Variants in IGSF5 observed in about 807,000 individuals in gnomAD.
IGSF5 encodes the protein immunoglobulin superfamily 5 like.
Under a neutral mutation model 39.4 loss-of-function variants are expected in IGSF5, and 41 were observed. The observed-to-expected ratio is 1.04, with a 90% confidence interval of 0.81 to 1.35. The LOEUF (loss-of-function observed/expected upper bound fraction) is 1.35. IGSF5 is among the 40% of genes most tolerant of loss of function. The pLI is 0.00. For synonymous variants in IGSF5, 183 were observed against 175.3 expected (o/e 1.04, Z -0.34); for missense variants, 487 against 494.6 (o/e 0.98, Z 0.15).
At chr21:39,744,914 A>C (rs1041473509), upstream of IGSF5, among the ~76,000 whole-genome samples, 6 of 152,234 alleles carry the variant, frequency 3.9e-5, no homozygotes, top group Non-Finnish European at 7.3e-5. Context: ...ATGGGTTGTC[A>C]GTGGCCTCAG....
chr21:39,779,400 A>G (rs199796533), intron 5 of IGSF5, 95 bp downstream of exon 5: 260 of 1,416,488 alleles, frequency 1.8e-4, no homozygotes, highest in Non-Finnish European at 2.3e-4. Flanking sequence ...CAAAAGATAG[A>G]TTAACTACAA....
At chr21:39,800,696 G>C (rs2087023809) in intron 8 of IGSF5, among the ~76,000 whole-genome samples, 1 of 152,218 alleles carries the variant, frequency 6.6e-6, no homozygotes, top group Admixed American at 6.5e-5. Context: ...TCTCAGGACT[G>C]GCAGGAAAAA....
the IGSF5 span, among the ~76,000 whole-genome samples, chr21:39,735,884 C>G: frequency 6.6e-6 from 1 of 152,212 alleles, no homozygotes; most frequent in South Asian, 2.1e-4. Context: ...CCCTTAAGAG[C>G]AGCTCAGGCC....
intron 2 of IGSF5, among the ~76,000 whole-genome samples, chr21:39,749,683 T>C (rs1735150): frequency 0.9 from 137,740 of 152,228 alleles, 62,364 homozygotes; most frequent in East Asian, 0.96. Context: ...TACATTGGTT[T>C]GGTCTGGAAA....
At position 39,801,594 on chromosome 21, in the gene IGSF5, CTAAG is replaced by C. The variant is rs1192209248; in HGVS notation, c.*241_*244del. On this transcript the variant is annotated 3_prime_UTR_variant, in exon 9 of 9. Coordinates refer to ENST00000380588, the MANE Select transcript of IGSF5 (RefSeq NM_001080444.2). Reference sequence around the variant, plus strand: ...GGTTTTTGTGAATTCCATGAAGTTACTAAGTAAAAGCTGCAAATTCATCATAATT... The same window carrying C: ...GGTTTTTGTGAATTCCATGAAGTTACTAAAAGCTGCAAATTCATCATAATT... 1 of 382,662 alleles carries C rather than the reference CTAAG, an allele frequency of 2.6e-6. No individual in the cohort carries two copies. The highest frequency in any genetic ancestry group is 2.0e-5 in the African/African-American group (1 of 49,568). The allele number at this position is 382,662 out of a possible 1,614,324, so 23.7% of individuals were successfully genotyped here. A position where few individuals can be genotyped will look rare whatever the true frequency, so the allele number is the denominator to read the frequency against.
the IGSF5 span, among the ~76,000 whole-genome samples, chr21:39,731,860 G>T: frequency 6.6e-6 from 1 of 152,216 alleles, no homozygotes; most frequent in East Asian, 1.9e-4. Flanking sequence ...TAGTTTTAAG[G>T]CATGAAATTT....
At chr21:39,723,171 G>T in the IGSF5 span, among the ~76,000 whole-genome samples, 1 of 152,214 alleles carries the variant, frequency 6.6e-6, no homozygotes, top group African/African-American at 2.4e-5. Flanking sequence ...GTGAGGGCTA[G>T]GGCCTCATCT....
chr21:39,749,375 G>A (rs1283994282), intron 2 of IGSF5, among the ~76,000 whole-genome samples: 3 of 152,154 alleles, frequency 2.0e-5, no homozygotes, highest in Non-Finnish European at 1.5e-5. Context: ...ACCACGCCCG[G>A]CTAATTATTG....
the IGSF5 span, among the ~76,000 whole-genome samples, chr21:39,728,454 C>T: frequency 6.6e-6 from 1 of 152,160 alleles, no homozygotes; most frequent in African/African-American, 2.4e-5. Flanking sequence ...AGGATTCCCT[C>T]CTACATTTTT....
intron 8 of IGSF5, among the ~76,000 whole-genome samples, chr21:39,799,454 C>A (rs1260553874): frequency 6.6e-6 from 1 of 152,066 alleles, no homozygotes; most frequent in Non-Finnish European, 1.5e-5. Context: ...GGAGATAGGG[C>A]CAAAGAATCA....
At chr21:39,719,799 A>G in the IGSF5 span, among the ~76,000 whole-genome samples, 5 of 152,220 alleles carry the variant, frequency 3.3e-5, no homozygotes, top group African/African-American at 1.2e-4. Flanking sequence ...TCTTCCCGCC[A>G]TGCCATAGGG....
chr21:39,800,784 GA>G (rs1288898089), intron 8 of IGSF5, among the ~76,000 whole-genome samples: 1 of 152,208 alleles, frequency 6.6e-6, no homozygotes, highest in Non-Finnish European at 1.5e-5. Flanking sequence ...GTTTGTTTGG[GA>G]TTACATTTCT....
intron 2 of IGSF5, 95 bp downstream of exon 2, chr21:39,746,393 C>G (rs537898792): frequency 1.5e-4 from 90 of 616,032 alleles, no homozygotes; most frequent in Non-Finnish European, 2.4e-4. Context: ...AACAGAGCTC[C>G]CATACAAAGG....
the IGSF5 span, among the ~76,000 whole-genome samples, chr21:39,733,591 A>G: frequency 1.3e-5 from 2 of 152,246 alleles, no homozygotes; most frequent in Non-Finnish European, 2.9e-5. Flanking sequence ...TGGTCATATT[A>G]GCCTCCCAGG....
At chr21:39,777,358 G>A (rs2080146546) in intron 4 of IGSF5, among the ~76,000 whole-genome samples, 1 of 152,174 alleles carries the variant, frequency 6.6e-6, no homozygotes, top group Non-Finnish European at 1.5e-5. Context: ...GAATCACTTG[G>A]GGTATCATTC....
chr21:39,717,934 A>G, the IGSF5 span, among the ~76,000 whole-genome samples: 1 of 152,218 alleles, frequency 6.6e-6, no homozygotes, highest in Non-Finnish European at 1.5e-5. Context: ...TTTGGGTGGT[A>G]TAGCCATTTT....
intron 5 of IGSF5, among the ~76,000 whole-genome samples, chr21:39,783,926 T>C (rs1341369625): frequency 6.6e-6 from 1 of 152,206 alleles, no homozygotes; most frequent in Non-Finnish European, 1.5e-5. Context: ...TGGTAAGAGA[T>C]AGGGGCCTAA....
chr21:39,788,842 T>C (rs1297417880), intron 6 of IGSF5, among the ~76,000 whole-genome samples: 1 of 152,214 alleles, frequency 6.6e-6, no homozygotes, highest in Non-Finnish European at 1.5e-5. Context: ...ACAGACGTTG[T>C]TTGTTGTGGG....
the IGSF5 span, among the ~76,000 whole-genome samples, chr21:39,734,294 G>A: frequency 2.0e-5 from 3 of 151,696 alleles, no homozygotes; most frequent in Non-Finnish European, 2.9e-5. Flanking sequence ...ATTGTGGCAC[G>A]TACCTGTAGT....
Sources: gnomAD v4.1 joint callset for allele counts (sites outside exome capture counted in the v4.1 genomes callset) on GRCh38, gnomAD v4.1.1 for gene constraint, MANE v1.5 for transcripts, NCBI Gene and HGNC (gene_info 2026-07-23, HGNC 2026-07-21) for gene names.